The following FLNB variants were observed in gnomAD, a reference collection of about 807,000 sequenced individuals.
FLNB encodes filamin-B.
Under a neutral mutation model 250.6 loss-of-function variants are expected in FLNB, and 111 were observed. The observed-to-expected ratio is 0.44, with a 90% CI of 0.38 to 0.52. FLNB has a LOEUF of 0.52. Among genes scored for constraint, FLNB ranks in the 20% least tolerant of loss-of-function variants. FLNB has a pLI of 0.00. For missense variants in FLNB, 2,869 were observed against 3,447.8 expected (o/e 0.83, Z 4.20); for synonymous variants, 1,302 against 1,372.1 (o/e 0.95, Z 1.13).
Position 58,094,952 on chromosome 3 carries a change from G to A in FLNB, c.904G>A (p.Glu302Lys). 6.2e-7 allele frequency: 1 copy of A among 1,611,952 alleles called. No homozygotes were observed. The highest frequency in any genetic ancestry group is 8.5e-7 in the Non-Finnish European group (1 of 1,177,960). Residue 302 changes from glutamate (E) to lysine (K), a missense_variant and splice_region_variant, in exon 5 of 46, where the codon GAG becomes AAG. By Grantham distance (56) the Glu-to-Lys change is moderately conservative. Transcript: ENST00000295956. Reference sequence around the variant, plus strand: ...TGAGGACCCAGAAGGGAACAAAGAGGAGGTATGTTGGAGGATGCTGCCTCT... The same window carrying A: ...TGAGGACCCAGAAGGGAACAAAGAGAAGGTATGTTGGAGGATGCTGCCTCT... ...FVEDPEGNKE[E>K]AQVTPDSDKN...
At chr3:58,089,315 C>T (rs929385365) in intron 4 of FLNB, among the ~76,000 whole-genome samples, 8 of 152,010 alleles carry the variant, frequency 5.3e-5, no homozygotes, top group African/African-American at 1.5e-4. Flanking sequence ...GAGGCCGAGG[C>T]GGGCAGATCA....
chr3:58,150,089 T>G lies in FLNB; in HGVS notation c.6245-16T>G. 1.2e-6 allele frequency: 2 copies of G among 1,614,274 alleles called. No individual in the cohort carries two copies. The highest frequency in any genetic ancestry group is 1.7e-6 in the Non-Finnish European group (2 of 1,180,050). ...GGCCTCTGGCCTGCTCACAGGAGCC[T>G]TCTTGGGTCTTGCAGGGAGCCCATT... On this transcript the variant is annotated splice_polypyrimidine_tract_variant and intron_variant, in intron 37 of 45. Coordinates refer to ENST00000295956, the MANE Select transcript of FLNB (RefSeq NM_001457.4).
chr3:58,020,964 C>T (rs1056596087), intron 1 of FLNB, among the ~76,000 whole-genome samples: 1 of 151,636 alleles, frequency 6.6e-6, no homozygotes, highest in Non-Finnish European at 1.5e-5. Context: ...GGCAGGCCTC[C>T]TAGGGAGGCC....
chr3:58,084,635 T>G (rs1276264734), intron 4 of FLNB, among the ~76,000 whole-genome samples: 1 of 152,198 alleles, frequency 6.6e-6, no homozygotes, highest in Non-Finnish European at 1.5e-5. Flanking sequence ...AAATTCACTA[T>G]TTTAACCATT....
intron 1 of FLNB, among the ~76,000 whole-genome samples, chr3:58,019,031 G>T (rs1452940987): frequency 6.6e-6 from 1 of 152,012 alleles, no homozygotes; most frequent in African/African-American, 2.4e-5. Flanking sequence ...TAGCTGCTTG[G>T]GAGGCTGAGT....
chr3:58,152,712 C>A, intron 38 of FLNB: 1 of 1,313,334 alleles, frequency 7.6e-7, no homozygotes, highest in Non-Finnish European at 1.0e-6. Context: ...CCTCAGGGGT[C>A]AGAGTCATGA....
At chr3:58,109,443 G>A in intron 14 of FLNB, 121 bp downstream of exon 14, 1 of 1,591,624 alleles carries the variant, frequency 6.3e-7, no homozygotes, top group African/African-American at 1.3e-5. Flanking sequence ...GGTGGGCCTT[G>A]AATGATGGAG....
intron 1 of FLNB, among the ~76,000 whole-genome samples, chr3:58,052,564 T>C (rs1313884029): frequency 1.3e-5 from 2 of 152,206 alleles, no homozygotes; most frequent in African/African-American, 4.8e-5. Flanking sequence ...CTTATCTGTT[T>C]AGAGAAGCCC....
chr3:58,054,279 T>C (rs2097167010), intron 1 of FLNB, among the ~76,000 whole-genome samples: 1 of 152,184 alleles, frequency 6.6e-6, no homozygotes, highest in Non-Finnish European at 1.5e-5. Context: ...AAATTTAAAA[T>C]TAAGCTCAGC....
chr3:58,159,718 A>G (rs1381466966), intron 42 of FLNB, 32 bp downstream of exon 42: 1 of 1,609,120 alleles, frequency 6.2e-7, no homozygotes, highest in Non-Finnish European at 8.5e-7. Flanking sequence ...GGGTCCCAGC[A>G]CCAGCACTTT....
chr3:58,123,364 C>G lies in FLNB; in HGVS notation c.3398C>G (p.Pro1133Arg). ...GCTGACATTGAAATGCCCTTTGACCCCTCTAAAGTCGTGGCATCGGGGCCA... is the reference window on the plus strand; with the variant it reads ...GCTGACATTGAAATGCCCTTTGACCGCTCTAAAGTCGTGGCATCGGGGCCA... ...FKADIEMPFD[P>R]SKVVASGPGL... The change falls in exon 21 of 46, where the codon CCC (proline) becomes CGC (arginine). Residue 1133 changes from proline (P) to arginine (R), a missense_variant. Pro to Arg is a moderately radical substitution (Grantham distance 103). Coordinates refer to ENST00000295956, the MANE Select transcript of FLNB (RefSeq NM_001457.4). The G allele has an allele frequency of 6.2e-7, 1 of 1,614,180 alleles. No individual in the cohort carries two copies. Among genetic ancestry groups the G allele is most frequent in the Non-Finnish European group, 8.5e-7 (1 of 1,180,040 alleles).
intron 1 of FLNB, among the ~76,000 whole-genome samples, chr3:58,025,957 A>G (rs1177024097): frequency 2.6e-5 from 4 of 152,164 alleles, no homozygotes; most frequent in Non-Finnish European, 5.9e-5. Context: ...TGCCTTACAG[A>G]GTTCTTAGGT....
intron 1 of FLNB, among the ~76,000 whole-genome samples, chr3:58,051,029 T>G (rs970384404): frequency 1.3e-5 from 2 of 152,310 alleles, no homozygotes; most frequent in East Asian, 1.9e-4. Flanking sequence ...GATCACACTT[T>G]TGCTTTTGAA....
intron 1 of FLNB, among the ~76,000 whole-genome samples, chr3:58,020,895 T>C (rs1286170309): frequency 4.6e-5 from 7 of 151,944 alleles, no homozygotes. Context: ...CAGTCAGCTT[T>C]CCTTCAACAG....
chr3:58,124,006 CA>C (rs1278382888), intron 21 of FLNB, among the ~76,000 whole-genome samples: 2 of 152,166 alleles, frequency 1.3e-5, no homozygotes, highest in African/African-American at 4.8e-5. Context: ...ACTCAACATA[CA>C]ACATGTTGGC....
intron 1 of FLNB, among the ~76,000 whole-genome samples, chr3:58,016,598 G>GT: frequency 1.3e-5 from 2 of 151,900 alleles, no homozygotes; most frequent in African/African-American, 4.8e-5. Context: ...TATAAAATCT[G>GT]TTTTTTTCCT....
At chr3:58,049,053 A>G (rs1576633316) in intron 1 of FLNB, among the ~76,000 whole-genome samples, 1 of 152,234 alleles carries the variant, frequency 6.6e-6, no homozygotes, top group Non-Finnish European at 1.5e-5. Flanking sequence ...GAGAAAATAC[A>G]GTTAAATTTG....
intron 1 of FLNB, among the ~76,000 whole-genome samples, chr3:58,010,509 C>T (rs2097097056): frequency 6.6e-6 from 1 of 152,110 alleles, no homozygotes; most frequent in Non-Finnish European, 1.5e-5. Context: ...ACGCTGTTGT[C>T]TTCTTTCTGG....
Position 58,008,466 on chromosome 3 carries a change from C to T in FLNB, c.-99C>T, listed in dbSNP as rs1255561163. On this transcript the variant is annotated 5_prime_UTR_variant, in exon 1 of 46. Transcript: ENST00000295956. ...CTCCGGTAGCAGCAAGTTCGAACCC[C>T]GCTCCCGCTCCGCTTCGGTTCTCGC... The T allele has an allele frequency of 1.3e-5, 18 of 1,417,676 alleles. No individual in the cohort carries two copies. Among genetic ancestry groups the T allele is most frequent in the Non-Finnish European group, 1.7e-5 (17 of 1,029,584 alleles). 87.8% of individuals were successfully genotyped at this position (1,417,676 alleles called of 1,614,324 possible). A position where few individuals can be genotyped will look rare whatever the true frequency, so the allele number is the denominator to read the frequency against.
Sources: gnomAD v4.1 joint callset for allele counts (sites outside exome capture counted in the v4.1 genomes callset) on GRCh38, gnomAD v4.1.1 for gene constraint, MANE v1.5 for transcripts, NCBI Gene and HGNC (gene_info 2026-07-23, HGNC 2026-07-21) for gene names.